DNM3: variants seen among roughly 807,000 people sequenced by gnomAD.
DNM3 encodes the protein dynamin 3, also known as dynamin-3.
In DNM3, 47 loss-of-function variants were observed where a neutral mutation model predicts 101.6. The ratio of observed to expected loss-of-function variants is 0.46; its 90% CI spans 0.37 to 0.59. DNM3 has a LOEUF of 0.59. Ranked by LOEUF, DNM3 falls within the 20% of genes least tolerant of loss-of-function variation. The pLI, the probability that DNM3 is intolerant of heterozygous loss-of-function variation, is 0.00. For missense variants in DNM3, 849 were observed against 1,085.7 expected (o/e 0.78, Z 3.06); for synonymous variants, 385 against 387.9 (o/e 0.99, Z 0.09).
At chr1:172,274,546 G>A (rs978754786) in intron 15 of DNM3, among the ~76,000 whole-genome samples, 2 of 151,922 alleles carry the variant, frequency 1.3e-5, no homozygotes, top group African/African-American at 4.8e-5. Context: ...CCTCCACTGT[G>A]ATAGATCTGA....
chr1:172,049,111 T>C (rs1382855309), intron 10 of DNM3, among the ~76,000 whole-genome samples: 2 of 152,202 alleles, frequency 1.3e-5, no homozygotes, highest in East Asian at 3.8e-4. Context: ...ATAGTACATA[T>C]ATCAATAAGA....
intron 20 of DNM3, among the ~76,000 whole-genome samples, chr1:172,390,459 T>G (rs911706809): frequency 1.3e-5 from 2 of 152,048 alleles, no homozygotes; most frequent in African/African-American, 4.8e-5. Flanking sequence ...AGTACTGACG[T>G]TTTTGTTGTG....
In DNM3 at chr1:172,292,624, C is replaced by CACACACACAT. The variant is rs1553224094; in HGVS notation, c.1770-16104_1770-16103insACACACACAT. ...CTTCACACACACACACACACACACA[C>CACACACACAT]GCGCGTGCGTATATTCCTTACACGC... On this transcript the variant is annotated intron_variant, in intron 15 of 20. Transcript: ENST00000627582. Among the ~76,000 whole-genome samples the CACACACACAT allele has an allele frequency of 3.7e-5, 5 of 135,328 alleles. No individual in the cohort carries two copies. In the South Asian group the frequency reaches 9.6e-4, roughly 26 times the overall value. The allele number at this position is 135,328 out of a possible 152,430, so 88.8% of individuals were successfully genotyped here.
At chr1:172,041,078 G>A (rs1480936154) in intron 7 of DNM3, among the ~76,000 whole-genome samples, 1 of 152,136 alleles carries the variant, frequency 6.6e-6, no homozygotes, top group Non-Finnish European at 1.5e-5. Context: ...ACAAATCTAT[G>A]TTATTCTGAT....
chr1:171,880,214 A>G (rs1268853531), intron 1 of DNM3, among the ~76,000 whole-genome samples: 1 of 152,200 alleles, frequency 6.6e-6, no homozygotes, highest in Non-Finnish European at 1.5e-5. Context: ...TAAGGAAACA[A>G]TTTTCAGATG....
intron 10 of DNM3, among the ~76,000 whole-genome samples, chr1:172,049,000 T>G (rs1234411089): frequency 6.6e-6 from 1 of 152,198 alleles, no homozygotes; most frequent in Non-Finnish European, 1.5e-5. Flanking sequence ...CATGTTGTCT[T>G]AAACAAATAA....
chr1:172,084,191 T>G (rs1289837669), intron 12 of DNM3, among the ~76,000 whole-genome samples: 1 of 152,138 alleles, frequency 6.6e-6, no homozygotes, highest in East Asian at 1.9e-4. Context: ...AATCCTTGTC[T>G]TGTATACCTT....
intron 13 of DNM3, among the ~76,000 whole-genome samples, chr1:172,115,158 T>C (rs1212185055): frequency 6.6e-6 from 1 of 152,234 alleles, no homozygotes; most frequent in Non-Finnish European, 1.5e-5. Flanking sequence ...GTTGTATATT[T>C]GGTGCTGGAG....
chr1:172,389,012 TTA>T (rs1243929364), intron 20 of DNM3: 1 of 601,620 alleles, frequency 1.7e-6, no homozygotes, highest in African/African-American at 1.9e-5. Flanking sequence ...AATTTCTCAT[TTA>T]TCAATTGGCA....
Position 171,962,092 on chromosome 1 carries a change from C to T in DNM3, c.236-25564C>T, listed in dbSNP as rs188385536. ...TGTATTTGCTCAGGTTTCACTTTCT[C>T]TTCTTATGAAACCATTAGTTTCATC... On this transcript the variant is annotated intron_variant, in intron 2 of 20. Coordinates refer to ENST00000627582, the MANE Select transcript of DNM3 (RefSeq NM_015569.5). Among the ~76,000 whole-genome samples the T allele has an allele frequency of 1.2e-4, 18 of 152,238 alleles. No homozygotes were observed. The East Asian group carries it at 3.1e-3, about 26-fold the overall frequency.
chr1:171,847,020 G>C (rs1045611948), intron 1 of DNM3, among the ~76,000 whole-genome samples: 3 of 152,128 alleles, frequency 2.0e-5, no homozygotes, highest in Admixed American at 6.5e-5. Context: ...GCCAAGCTGG[G>C]ATTCAGTATG....
At chr1:171,994,118 T>C (rs529398548) in intron 4 of DNM3, among the ~76,000 whole-genome samples, 1 of 152,264 alleles carries the variant, frequency 6.6e-6, no homozygotes, top group South Asian at 2.1e-4. Context: ...GGACAGTTTC[T>C]ATTGACTGTA....
At chr1:172,351,899 G>A (rs751700618) in intron 17 of DNM3, among the ~76,000 whole-genome samples, 2 of 152,144 alleles carry the variant, frequency 1.3e-5, no homozygotes, top group Admixed American at 6.5e-5. Flanking sequence ...CCTGGCAGCT[G>A]AGGATGAATG....
chr1:171,948,593 C>T (rs1263633664), intron 2 of DNM3, among the ~76,000 whole-genome samples: 1 of 152,154 alleles, frequency 6.6e-6, no homozygotes, highest in Non-Finnish European at 1.5e-5. Context: ...GGCAGCTCCT[C>T]ACGAATAACT....
intron 15 of DNM3, among the ~76,000 whole-genome samples, chr1:172,300,197 G>A (rs1232861325): frequency 6.6e-6 from 1 of 151,838 alleles, no homozygotes; most frequent in African/African-American, 2.4e-5. Flanking sequence ...TTTGATAAGT[G>A]TCTGTTCATG....
intron 14 of DNM3, among the ~76,000 whole-genome samples, chr1:172,160,409 T>C (rs903803006): frequency 1.3e-5 from 2 of 152,122 alleles, no homozygotes; most frequent in African/African-American, 4.8e-5. Context: ...TTATTCTATA[T>C]TCTTTTTTGA....
chr1:172,045,590 T>C lies in DNM3; in HGVS notation c.1196+1138T>C, dbSNP rs546229606. On this transcript the variant is annotated intron_variant, in intron 9 of 20. Coordinates refer to ENST00000627582, the MANE Select transcript of DNM3 (RefSeq NM_015569.5). ...CATATGAAGTTTTAGGGGAACACATTCAGTTCACAACAATTTCTTTAAAGA... is the reference window on the plus strand; with the variant it reads ...CATATGAAGTTTTAGGGGAACACATCCAGTTCACAACAATTTCTTTAAAGA... Among the ~76,000 whole-genome samples, 7 of 152,296 alleles carry C rather than the reference T, an allele frequency of 4.6e-5. No individual in the cohort carries two copies. In the South Asian group the frequency reaches 6.2e-4, roughly 14 times the overall value.
intron 15 of DNM3, among the ~76,000 whole-genome samples, chr1:172,292,398 A>T (rs781376135): frequency 7.2e-5 from 11 of 152,202 alleles, no homozygotes; most frequent in Non-Finnish European, 1.3e-4. Context: ...TATTGTCCAG[A>T]AAACAGGCAA....
intron 15 of DNM3, among the ~76,000 whole-genome samples, chr1:172,292,701 C>T (rs916502564): frequency 6.6e-6 from 1 of 152,014 alleles, no homozygotes; most frequent in Non-Finnish European, 1.5e-5. Context: ...ACTGCCATTA[C>T]TTTTGCATTA....
Sources: gnomAD v4.1 joint callset for allele counts (sites outside exome capture counted in the v4.1 genomes callset) on GRCh38, gnomAD v4.1.1 for gene constraint, MANE v1.5 for transcripts, NCBI Gene and HGNC (gene_info 2026-07-23, HGNC 2026-07-21) for gene names.